The following AZIN2 variants were observed in gnomAD, a reference collection of about 807,000 sequenced individuals.
AZIN2 encodes the protein ODC antizyme inhibitor-2.
AZIN2 carries 28 observed loss-of-function variants against 47.8 expected under a neutral mutation model. That is an observed-to-expected ratio of 0.59 (90% CI 0.43 to 0.80). The LOEUF (loss-of-function observed/expected upper bound fraction) is 0.80. AZIN2 is among the 30% of genes least tolerant of loss of function. AZIN2 has a pLI of 0.00. For missense variants in AZIN2, 535 were observed against 582.5 expected (o/e 0.92, Z 0.84); for synonymous variants, 221 against 239.4 (o/e 0.92, Z 0.71).
In AZIN2 at chr1:33,109,148, T is replaced by C. The variant is rs1454861699; in HGVS notation, c.1030-8754T>C. Among the ~76,000 whole-genome samples, 3 of 152,346 alleles carry C rather than the reference T, an allele frequency of 2.0e-5. No individual in the cohort carries two copies. In the East Asian group the frequency reaches 5.8e-4, roughly 29 times the overall value. ...TTATTTGCCATCTGTATATATTCTT[T>C]GGCGAAGTATCTGTTAAAGTCCTTT... On this transcript the variant is annotated intron_variant, in intron 10 of 11. Coordinates refer to ENST00000294517, the MANE Select transcript of AZIN2 (RefSeq NM_052998.4).
chr1:33,117,485 A>C (rs956382879), intron 10 of AZIN2, among the ~76,000 whole-genome samples: 5 of 152,264 alleles, frequency 3.3e-5, no homozygotes, highest in African/African-American at 1.2e-4. Context: ...AACAGCAATC[A>C]CAACAATAAG....
At chr1:33,093,669 A>G (rs1248162763) in intron 7 of AZIN2, among the ~76,000 whole-genome samples, 2 of 151,704 alleles carry the variant, frequency 1.3e-5, no homozygotes, top group African/African-American at 4.8e-5. Flanking sequence ...GAGTCTTACC[A>G]GCCTGTAGGA....
intron 5 of AZIN2, among the ~76,000 whole-genome samples, chr1:33,088,765 C>T (rs1642214872): frequency 6.6e-6 from 1 of 152,238 alleles, no homozygotes; most frequent in Non-Finnish European, 1.5e-5. Flanking sequence ...TTCCTTCCCT[C>T]TTGGCCTGGC....
intron 10 of AZIN2, 39 bp from the exon 11 acceptor site, chr1:33,117,863 G>T: frequency 6.2e-7 from 1 of 1,610,416 alleles, no homozygotes; most frequent in Non-Finnish European, 8.5e-7. Flanking sequence ...GCTGTTGTAT[G>T]CCCAGGAGAG....
chr1:33,132,292 T>C, the AZIN2 span, among the ~76,000 whole-genome samples: 1 of 152,222 alleles, frequency 6.6e-6, no homozygotes, highest in Non-Finnish European at 1.5e-5. Flanking sequence ...AAGGGCCAGA[T>C]AGTCAATACT....
the AZIN2 span, among the ~76,000 whole-genome samples, chr1:33,136,120 T>TTCCTTCCG: frequency 2.3e-5 from 2 of 87,130 alleles, no homozygotes; most frequent in South Asian, 8.8e-4. Flanking sequence ...CAGCCCTTCC[T>TTCCTTCCG]TCCTTCCTTC....
At chr1:33,091,386 T>C (rs1244411845) in intron 5 of AZIN2, among the ~76,000 whole-genome samples, 7 of 152,126 alleles carry the variant, frequency 4.6e-5, no homozygotes, top group Admixed American at 4.6e-4. Flanking sequence ...ACTACAGGCA[T>C]GTACTACCAA....
chr1:33,147,345 C>T, the AZIN2 span: 1 of 1,614,210 alleles, frequency 6.2e-7, no homozygotes, highest in Non-Finnish European at 8.5e-7. This position sits in a 1 kb window ranked among gnomAD's most constrained non-coding sequence, Gnocchi z 8.1. Flanking sequence ...GGTCATAGTC[C>T]AGGAAGACAC....
chr1:33,101,496 A>ATTTT (rs35912554), intron 10 of AZIN2, among the ~76,000 whole-genome samples: 1 of 133,506 alleles, frequency 7.5e-6, no homozygotes, highest in Admixed American at 7.4e-5. Flanking sequence ...TCTGCCTGGT[A>ATTTT]TTTTTTTTTT....
At chr1:33,104,738 C>T (rs1643914523) in intron 10 of AZIN2, among the ~76,000 whole-genome samples, 1 of 152,128 alleles carries the variant, frequency 6.6e-6, no homozygotes, top group South Asian at 2.1e-4. Flanking sequence ...CACATTCTGT[C>T]ACCCTGGCCA....
the AZIN2 span, chr1:33,159,890 G>A: frequency 2.9e-5 from 46 of 1,610,962 alleles, 1 homozygote; most frequent in East Asian, 2.2e-4. This position sits in a 1 kb window ranked among gnomAD's most constrained non-coding sequence, Gnocchi z 4.2. Flanking sequence ...CGCAGCAGCC[G>A]GTGCAGCCGC....
intron 10 of AZIN2, among the ~76,000 whole-genome samples, chr1:33,106,441 C>T (rs1302857950): frequency 9.2e-5 from 14 of 152,140 alleles, no homozygotes; most frequent in Admixed American, 8.5e-4. Flanking sequence ...TACCTTAACA[C>T]CAAAGCCAAA....
intron 5 of AZIN2, among the ~76,000 whole-genome samples, chr1:33,086,954 TCTTACCAACATCCCCAGTGAGCA>T (rs1284651024): frequency 3.9e-5 from 6 of 152,286 alleles, no homozygotes; most frequent in Non-Finnish European, 7.4e-5. Flanking sequence ...AAGAATTTTC[TCTTACCAACATCCCCAGTGAGCA>T]CTTACCAACA....
chr1:33,083,834 C>A, intron 4 of AZIN2, 120 bp from the exon 5 acceptor site: 2 of 1,238,478 alleles, frequency 1.6e-6, no homozygotes, highest in Non-Finnish European at 2.3e-6. Flanking sequence ...GAAAACTTAG[C>A]AGCAGGGTAG....
At chr1:33,114,935 G>A (rs937818220) in intron 10 of AZIN2, among the ~76,000 whole-genome samples, 3 of 152,098 alleles carry the variant, frequency 2.0e-5, no homozygotes, top group Non-Finnish European at 2.9e-5. Flanking sequence ...GAGCCACCGC[G>A]CCCAGCCTAT....
intron 8 of AZIN2, among the ~76,000 whole-genome samples, 195 bp from the exon 9 acceptor site, chr1:33,096,512 C>G (rs1190776171): frequency 6.6e-6 from 1 of 152,202 alleles, no homozygotes; most frequent in Admixed American, 6.5e-5. Flanking sequence ...GCACGAGGCT[C>G]TCTACCCAGC....
the AZIN2 span, chr1:33,147,157 G>A: frequency 6.2e-7 from 1 of 1,608,322 alleles, no homozygotes; most frequent in Non-Finnish European, 8.5e-7. This position sits in a 1 kb window ranked among gnomAD's most constrained non-coding sequence, Gnocchi z 8.1. Context: ...CCAGGAGGTT[G>A]TGGTCTCCTT....
At position 33,084,062 on chromosome 1, in the gene AZIN2, A is replaced by C. The variant is rs927795183; in HGVS notation, c.214A>C (p.Asn72His). The change falls in exon 5 of 12, where the codon AAC becomes CAC. Residue 72 changes from asparagine to histidine, a missense_variant. Transcript: ENST00000294517. The stretch of plus-strand genomic sequence containing the variant: ...CCGGCCCTTTTATGCTGTCAAGTGC[A>C]ACAGCAGCCCAGGTGTGCTGAAGGT... ...RVRPFYAVKCNSSPGVLKVLA... is the reference protein window; with the variant it reads ...RVRPFYAVKCHSSPGVLKVLA... 9 of 1,613,894 alleles carry C rather than the reference A, an allele frequency of 5.6e-6. No individual in the cohort carries two copies. In the African/African-American group the frequency reaches 1.2e-4, roughly 22 times the overall value.
At chr1:33,165,389 C>G in the AZIN2 span, 2 of 1,306,918 alleles carry the variant, frequency 1.5e-6, no homozygotes, top group Non-Finnish European at 2.1e-6. The surrounding 1 kb of genome is among the most constrained non-coding windows in gnomAD (Gnocchi z 4.0). Context: ...GAGGCCCCGC[C>G]CCTCTTCCCC....
Sources: allele counts gnomAD v4.1 joint callset (sites outside exome capture counted in the v4.1 genomes callset), GRCh38; gene constraint gnomAD v4.1.1; non-coding constraint Gnocchi (gnomAD v3.1); transcripts MANE v1.5; gene names NCBI Gene and HGNC (gene_info 2026-07-23, HGNC 2026-07-21).